The following ITFG1 variants were observed in gnomAD, a reference collection of about 807,000 sequenced individuals.
ITFG1 encodes T-cell immunomodulatory protein.
A neutral mutation model predicts 81.8 loss-of-function variants in ITFG1; 34 were observed. The ratio of observed to expected loss-of-function variants is 0.42; its 90% confidence interval spans 0.32 to 0.55. The LOEUF (loss-of-function observed/expected upper bound fraction) is 0.55, where lower values mean the gene tolerates loss of function less well. Among genes scored for constraint, ITFG1 ranks in the 20% least tolerant of loss-of-function variants. The probability of loss-of-function intolerance (pLI) is 0.17; values close to 1 mark genes in which losing one functional copy is unlikely to be tolerated. For missense variants in ITFG1, 672 were observed against 755.4 expected, an observed-to-expected ratio of 0.89 and a Z score of 1.29; for synonymous variants, 285 against 270.6, an observed-to-expected ratio of 1.05 and a Z score of -0.52.
At chr16:47,340,832 G>A (rs774942582) in intron 8 of ITFG1, among the ~76,000 whole-genome samples, 11 of 152,082 alleles carry the variant, frequency 7.2e-5, no homozygotes, top group Admixed American at 2.6e-4. Flanking sequence ...CAACAATGCC[G>A]GAGAGGTTAT....
intron 12 of ITFG1, among the ~76,000 whole-genome samples, chr16:47,251,212 G>A (rs951450326): frequency 6.6e-6 from 1 of 152,182 alleles, no homozygotes; most frequent in Non-Finnish European, 1.5e-5. Context: ...GGCCACAGGA[G>A]TAAGTCAGGG....
At chr16:47,169,293 A>C (rs1455053638) in intron 14 of ITFG1, among the ~76,000 whole-genome samples, 1 of 152,160 alleles carries the variant, frequency 6.6e-6, no homozygotes, top group Admixed American at 6.5e-5. Context: ...GTTTTGGGGA[A>C]TATTGCTATC....
At chr16:47,379,803 C>G (rs1968373163) in intron 6 of ITFG1, among the ~76,000 whole-genome samples, 1 of 152,024 alleles carries the variant, frequency 6.6e-6, no homozygotes, top group South Asian at 2.1e-4. Flanking sequence ...ACCTTTTCCC[C>G]CACTTATCTT....
chr16:47,176,256 T>A (rs1467283373), intron 14 of ITFG1, among the ~76,000 whole-genome samples: 2 of 152,250 alleles, frequency 1.3e-5, no homozygotes, highest in African/African-American at 4.8e-5. Flanking sequence ...TTCTCATTAC[T>A]CACAGGGGAA....
chr16:47,316,232 A>G (rs780820570), intron 8 of ITFG1, among the ~76,000 whole-genome samples: 3 of 152,200 alleles, frequency 2.0e-5, no homozygotes, highest in African/African-American at 4.8e-5. Context: ...GTACTTTTTT[A>G]AAAGCTTTTT....
chr16:47,351,287 G>A (rs927416100), intron 8 of ITFG1, among the ~76,000 whole-genome samples: 5 of 152,208 alleles, frequency 3.3e-5, no homozygotes, highest in African/African-American at 1.2e-4. Context: ...GTTTGCAGAT[G>A]ACATGATTGT....
At chr16:47,335,140 T>C (rs973477822) in intron 8 of ITFG1, among the ~76,000 whole-genome samples, 12 of 152,138 alleles carry the variant, frequency 7.9e-5, no homozygotes, top group Admixed American at 3.3e-4. Context: ...GTGGATCACC[T>C]GAGGTCAGGA....
At chr16:47,402,806 G>A (rs1449508864) in intron 6 of ITFG1, among the ~76,000 whole-genome samples, 1 of 152,034 alleles carries the variant, frequency 6.6e-6, no homozygotes, top group Non-Finnish European at 1.5e-5. Context: ...TAGGACCAAA[G>A]AATAAATGTA....
intron 12 of ITFG1, among the ~76,000 whole-genome samples, chr16:47,251,090 C>G (rs1294811857): frequency 6.6e-6 from 1 of 152,148 alleles, no homozygotes; most frequent in Non-Finnish European, 1.5e-5. Context: ...TGAAACAACA[C>G]AAAAAAGCTC....
At chr16:47,413,832 T>C (rs958401660) in intron 6 of ITFG1, among the ~76,000 whole-genome samples, 1 of 152,086 alleles carries the variant, frequency 6.6e-6, no homozygotes, top group Non-Finnish European at 1.5e-5. Flanking sequence ...CACAAGAACA[T>C]ACAGATGTAC....
chr16:47,183,991 C>A (rs963630598), intron 14 of ITFG1, among the ~76,000 whole-genome samples: 1 of 152,084 alleles, frequency 6.6e-6, no homozygotes, highest in Non-Finnish European at 1.5e-5. Context: ...GTGAAGAATG[C>A]AGAAGCCTCA....
intron 7 of ITFG1, 39 bp from the exon 8 acceptor site, chr16:47,365,908 T>A: frequency 9.6e-7 from 1 of 1,040,594 alleles, no homozygotes. Flanking sequence ...ACCATCTTAA[T>A]CCACTCATTT....
At chr16:47,324,013 AAAAT>A (rs1381936586) in intron 8 of ITFG1, among the ~76,000 whole-genome samples, 2 of 152,214 alleles carry the variant, frequency 1.3e-5, no homozygotes, top group Non-Finnish European at 2.9e-5. Context: ...TTTCTTACCA[AAAAT>A]AAATATGTGT....
chr16:47,429,243 T>C (rs758234008), intron 5 of ITFG1, among the ~76,000 whole-genome samples: 4 of 152,188 alleles, frequency 2.6e-5, no homozygotes, highest in Non-Finnish European at 5.9e-5. Flanking sequence ...TTCATTCAGT[T>C]AGAATAATGT....
intron 14 of ITFG1, among the ~76,000 whole-genome samples, chr16:47,201,734 A>C (rs541063660): frequency 6.6e-6 from 1 of 152,326 alleles, no homozygotes. Context: ...TTATCTTACA[A>C]TTAATCATGT....
intron 14 of ITFG1, among the ~76,000 whole-genome samples, chr16:47,182,696 G>A (rs1965143656): frequency 6.6e-6 from 1 of 152,200 alleles, no homozygotes; most frequent in Non-Finnish European, 1.5e-5. Flanking sequence ...GATTCGGTGA[G>A]GAAATTACCA....
At chr16:47,421,894 G>T (rs570821252) in intron 6 of ITFG1, among the ~76,000 whole-genome samples, 87 of 152,242 alleles carry the variant, frequency 5.7e-4, no homozygotes, top group Middle Eastern at 3.4e-3. Flanking sequence ...TGTTCTCATT[G>T]TTCCACTGCC....
At chr16:47,396,215 A>G in intron 6 of ITFG1, 4 of 973,626 alleles carry the variant, frequency 4.1e-6, no homozygotes, top group Non-Finnish European at 4.9e-6. Context: ...GAGCAAATAC[A>G]TTGTTAAATG....
chr16:47,226,857 T>C (rs1380556318), intron 13 of ITFG1, among the ~76,000 whole-genome samples: 1 of 152,172 alleles, frequency 6.6e-6, no homozygotes, highest in Middle Eastern at 3.2e-3. Context: ...CCTAATATTT[T>C]AATATGAAAA....
Sources: gnomAD v4.1 joint callset for allele counts (sites outside exome capture counted in the v4.1 genomes callset) on GRCh38, gnomAD v4.1.1 for gene constraint, MANE v1.5 for transcripts, NCBI Gene and HGNC (gene_info 2026-07-23, HGNC 2026-07-21) for gene names.